Variants in CDHR5 observed in about 807,000 individuals in gnomAD.
CDHR5 encodes the protein cadherin related family member 5, also known as cadherin-related family member 5.
In CDHR5, 82 loss-of-function variants were observed where a neutral mutation model predicts 69.5. That is an observed-to-expected ratio of 1.18 (90% confidence interval 0.99 to 1.42). CDHR5 has a LOEUF of 1.42. CDHR5 is among the 40% of genes most tolerant of loss of function. CDHR5 has a pLI of 0.00. For missense variants in CDHR5, 1,293 were observed against 1,168.9 expected (o/e 1.11, Z -1.55); for synonymous variants, 601 against 510.2 (o/e 1.18, Z -2.40).
intron 14 of CDHR5, 71 bp downstream of exon 14, chr11:617,883 C>T (rs544753589): frequency 1.8e-5 from 28 of 1,545,668 alleles, no homozygotes; most frequent in Non-Finnish European, 1.1e-5. Flanking sequence ...TCCCTCTGCC[C>T]TCCCCTCTCC....
At chr11:622,095 C>T (rs1211519025) in intron 3 of CDHR5, among the ~76,000 whole-genome samples, 191 bp from the exon 4 acceptor site, 7 of 151,266 alleles carry the variant, frequency 4.6e-5, no homozygotes, top group African/African-American at 1.2e-4. Context: ...AACGGCCACC[C>T]GTCCCCGCCG....
Position 617,649 on chromosome 11 carries a change from G to C in CDHR5, c.2240C>G (p.Pro747Arg), listed in dbSNP as rs1352512838. 13 of 1,539,016 alleles carry C rather than the reference G, an allele frequency of 8.4e-6. No individual in the cohort carries two copies. The highest frequency in any genetic ancestry group is 1.1e-5 in the Non-Finnish European group (13 of 1,146,266). Residue 747 changes from proline (P) to arginine (R), a missense_variant, in exon 15 of 15, where the codon CCC (proline) becomes CGC (arginine). Coordinates refer to ENST00000397542, the MANE Select transcript of CDHR5 (RefSeq NM_021924.5). ...KPAEAPMPAE[P>R]APPGPASPGG... ...TGGGGAGGCAGGGCCGGGGGGTGCG[G>C]GCTCTGCGGGCATCGGTGCCTCCGC...
Position 624,376 on chromosome 11 carries a change from G to T in CDHR5, c.262-113C>A, listed in dbSNP as rs1339173774. On this transcript the variant is annotated intron_variant, in intron 2 of 14. Coordinates refer to ENST00000397542, the MANE Select transcript of CDHR5 (RefSeq NM_021924.5). The surrounding 1 kb of genome is among the most constrained non-coding windows in gnomAD (Gnocchi z 5.3). ...CCATCATCAGTGGTCAGTGCTGAGGGTGTGGGCCCAGGCAGCTTCATCCCG... is the reference window on the plus strand; with the variant it reads ...CCATCATCAGTGGTCAGTGCTGAGGTTGTGGGCCCAGGCAGCTTCATCCCG... 2 of 749,316 alleles carry T rather than the reference G, an allele frequency of 2.7e-6. No homozygotes were observed. The allele number at this position is 749,316 out of a possible 1,614,324, so 46.4% of individuals were successfully genotyped here.
chr11:620,261 G>A (rs1364389688), intron 8 of CDHR5, 35 bp downstream of exon 8: 1 of 1,588,732 alleles, frequency 6.3e-7, no homozygotes, highest in East Asian at 2.2e-5. Flanking sequence ...GACAGAGGGG[G>A]TACAGGGCAT....
chr11:621,889 C>T lies in CDHR5; in HGVS notation c.328G>A (p.Val110Met). 5 of 1,613,300 alleles carry T rather than the reference C, an allele frequency of 3.1e-6. No homozygotes were observed. Among genetic ancestry groups the T allele is most frequent in the South Asian group, 1.1e-5 (1 of 91,068 alleles). ...TTGACGTCCAGCACTGACACGAACA[C>T]CCTTAGCTGGGTCACCTGCAGGATG... ...SGGTLVTQLR[V>M]FVSVLDVNDN... is the part of the protein sequence containing the mutation. The change falls in exon 4 of 15, where the codon GTG becomes ATG. Residue 110 changes from valine to methionine, a missense_variant. Physicochemically the swap from Val to Met is conservative, Grantham distance 21. Transcript: ENST00000397542. This position sits in a 1 kb window ranked among gnomAD's most constrained non-coding sequence, Gnocchi z 4.4.
Position 624,656 on chromosome 11 carries a change from G to T in CDHR5, c.162C>A (p.Val54=), listed in dbSNP as rs775607864. The change falls in exon 2 of 15, where the codon GTC becomes GTA. Residue 54 remains valine (V), a synonymous_variant. Coordinates refer to ENST00000397542, the MANE Select transcript of CDHR5 (RefSeq NM_021924.5). The surrounding 1 kb of genome is among the most constrained non-coding windows in gnomAD (Gnocchi z 5.3). ...CGAGGGTCACCTCCTGGCCCTCCGG[G>T]ACGTGGATGTCCACCAGCGGCTCGG... The part of the protein sequence containing the change: ...NVTEPLVDIH[V]PEGQEVTLGA... The T allele has an allele frequency of 2.5e-6, 4 of 1,613,654 alleles. No homozygotes were observed. Among genetic ancestry groups the T allele is most frequent in the African/African-American group, 2.7e-5 (2 of 75,052 alleles).
At chr11:618,230 C>CA (rs1857100662) in intron 13 of CDHR5, 119 bp from the exon 14 acceptor site, 3 of 842,232 alleles carry the variant, frequency 3.6e-6, no homozygotes, top group African/African-American at 3.4e-5. Context: ...GGCTGTCTCC[C>CA]AAATCTCAGG....
chr11:624,221 C>T lies in CDHR5; in HGVS notation c.304G>A (p.Gly102Ser). ...GCGGGGCGGGGACTCACCAATGTGC[C>T]TCCGCTCTGACACAGCAGCTGAGCC... ...LEAQLLCQSGGTLVTQLRVFV... is the reference protein window; with the variant it reads ...LEAQLLCQSGSTLVTQLRVFV... The change falls in exon 3 of 15, where the codon GGC becomes AGC. Residue 102 changes from glycine (G) to serine (S), a missense_variant. Physicochemically the swap from Gly to Ser is moderately conservative, Grantham distance 56. Transcript: ENST00000397542. This position sits in a 1 kb window ranked among gnomAD's most constrained non-coding sequence, Gnocchi z 5.3. 1 of 767,076 alleles carries T rather than the reference C, an allele frequency of 1.3e-6. No individual in the cohort carries two copies. Among genetic ancestry groups the T allele is most frequent in the Non-Finnish European group, 2.4e-6 (1 of 412,226 alleles). 47.5% of individuals were successfully genotyped at this position (767,076 alleles called of 1,614,324 possible). A position where few individuals can be genotyped will look rare whatever the true frequency, so the allele number is the denominator to read the frequency against.
In CDHR5 at chr11:624,452, A is replaced by T. The variant is rs933999904; in HGVS notation, c.261+105T>A. The T allele has an allele frequency of 1.7e-6, 2 of 1,183,434 alleles. No homozygotes were observed. The highest frequency in any genetic ancestry group is 3.0e-5 in the African/African-American group (2 of 66,444). 73.3% of individuals were successfully genotyped at this position (1,183,434 alleles called of 1,614,324 possible). On this transcript the variant is annotated intron_variant, in intron 2 of 14. Coordinates refer to ENST00000397542, the MANE Select transcript of CDHR5 (RefSeq NM_021924.5). The surrounding 1 kb of genome is among the most constrained non-coding windows in gnomAD (Gnocchi z 5.3). ...CACCACCAAGCATGGGTGTCAGTGGATGCCCGCAGGCATAGAACTCCTAGG... is the reference window on the plus strand; with the variant it reads ...CACCACCAAGCATGGGTGTCAGTGGTTGCCCGCAGGCATAGAACTCCTAGG...
chr11:622,877 C>T (rs1326326657), intron 3 of CDHR5, among the ~76,000 whole-genome samples: 3 of 152,210 alleles, frequency 2.0e-5, no homozygotes, highest in Non-Finnish European at 4.4e-5. Flanking sequence ...TCCCCGTGGT[C>T]TCTGAAGGGT....
Position 618,190 on chromosome 11 carries a change from C to T in CDHR5, c.1961-79G>A. The T allele has an allele frequency of 2.5e-6, 3 of 1,203,772 alleles. No homozygotes were observed. The Middle Eastern group carries it at 5.9e-4, about 238-fold the overall frequency. The allele number at this position is 1,203,772 out of a possible 1,614,324, so 74.6% of individuals were successfully genotyped here. ...ATTTCCCATGCCAACCTGTGCCAGG[C>T]TTGGGACACTTGGGTTCCACCCAGG... On this transcript the variant is annotated intron_variant, in intron 13 of 14. Coordinates refer to ENST00000397542, the MANE Select transcript of CDHR5 (RefSeq NM_021924.5).
At chr11:617,928 G>T in intron 14 of CDHR5, 26 bp downstream of exon 14, 2 of 1,604,234 alleles carry the variant, frequency 1.2e-6, no homozygotes, top group Non-Finnish European at 8.5e-7. Context: ...CTGGTCGCCT[G>T]CCCTGTTCTC....
Position 621,785 on chromosome 11 carries a change from C to T in CDHR5, c.405+27G>A, listed in dbSNP as rs367555780. 1 of 1,601,016 alleles carries T rather than the reference C, an allele frequency of 6.2e-7. No homozygotes were observed. Among genetic ancestry groups the T allele is most frequent in the Non-Finnish European group, 8.6e-7 (1 of 1,169,244 alleles). On this transcript the variant is annotated intron_variant, in intron 4 of 14. Coordinates refer to ENST00000397542, the MANE Select transcript of CDHR5 (RefSeq NM_021924.5). This position sits in a 1 kb window ranked among gnomAD's most constrained non-coding sequence, Gnocchi z 4.4. ...CCCTGGGCTCCCACACCCCCGTGCC[C>T]AGTCCCCGCGGCTTCGCTGGCCTCA...
At position 617,441 on chromosome 11, in the gene CDHR5, G is replaced by A. The variant is rs570930849; in HGVS notation, c.2448C>T (p.Ala816=). 5.6e-6 allele frequency: 9 copies of A among 1,612,358 alleles called. No individual in the cohort carries two copies. In the South Asian group the frequency reaches 8.8e-5, roughly 16 times the overall value. ...LNAPTLDVDG[A]SDSGSGDEGE... Reference sequence around the variant, plus strand: ...CCTCATCGCCGCTGCCGGAGTCACTGGCGCCATCCACGTCCAGGGTGGGCG... The same window carrying A: ...CCTCATCGCCGCTGCCGGAGTCACTAGCGCCATCCACGTCCAGGGTGGGCG... The change falls in exon 15 of 15, where the codon GCC becomes GCT. Residue 816 remains alanine, a synonymous_variant. Coordinates refer to ENST00000397542, the MANE Select transcript of CDHR5 (RefSeq NM_021924.5).
At chr11:623,240 C>T (rs1290502701) in intron 3 of CDHR5, among the ~76,000 whole-genome samples, 3 of 152,066 alleles carry the variant, frequency 2.0e-5, no homozygotes, top group Admixed American at 6.6e-5. Flanking sequence ...ACCCGGGAGG[C>T]GGAAGTTGCA....
Position 617,031 on chromosome 11 carries a change from G to A in CDHR5, c.*320C>T, listed in dbSNP as rs1032334258. On this transcript the variant is annotated 3_prime_UTR_variant, in exon 15 of 15. Coordinates refer to ENST00000397542, the MANE Select transcript of CDHR5 (RefSeq NM_021924.5). ...GGGAGGGGAGCCCCCCTCGGGCTGT[G>A]GTTAGAGCGGGAGAGGAACTTCCCA... is the stretch of plus-strand genomic sequence containing the variant. 2.5e-6 allele frequency: 1 copy of A among 392,492 alleles called. No homozygotes were observed. Among genetic ancestry groups the A allele is most frequent in the Admixed American group, 4.4e-5 (1 of 22,548 alleles). 24.3% of individuals were successfully genotyped at this position (392,492 alleles called of 1,614,324 possible).
chr11:619,970 TGGC>T (rs1410532181), intron 9 of CDHR5, 89 bp from the exon 10 acceptor site: 1 of 1,410,296 alleles, frequency 7.1e-7, no homozygotes, highest in Non-Finnish European at 9.5e-7. Context: ...GGTGCAGACT[TGGC>T]GGGGGCCCTG....
chr11:621,766 G>A lies in CDHR5; in HGVS notation c.405+46C>T, dbSNP rs1228557289. The A allele has an allele frequency of 6.3e-7, 1 of 1,578,272 alleles. No homozygotes were observed. Among genetic ancestry groups the A allele is most frequent in the South Asian group, 1.1e-5 (1 of 89,852 alleles). On this transcript the variant is annotated intron_variant, in intron 4 of 14. Coordinates refer to ENST00000397542, the MANE Select transcript of CDHR5 (RefSeq NM_021924.5). This position sits in a 1 kb window ranked among gnomAD's most constrained non-coding sequence, Gnocchi z 4.4. ...CACTCACCTCCTGCCCTCACCCTGG[G>A]CTCCCACACCCCCGTGCCCAGTCCC...
In CDHR5 at chr11:623,763, C is replaced by T. The variant is rs146694608; in HGVS notation, c.312+450G>A. Among the ~76,000 whole-genome samples, 628 of 152,136 alleles carry T rather than the reference C, an allele frequency of 4.1e-3. 5 individuals carry two copies. The highest frequency in any genetic ancestry group is 0.017 in the Middle Eastern group (5 of 294). On this transcript the variant is annotated intron_variant, in intron 3 of 14. Transcript: ENST00000397542. ...AAAGGGCAACAGGGAAGCCGGTGGG[C>T]CAGCTGGAAGTTTCCCAAAATGAGT...
Sources: gnomAD v4.1 joint callset for allele counts (sites outside exome capture counted in the v4.1 genomes callset) on GRCh38, gnomAD v4.1.1 for gene constraint, Gnocchi (gnomAD v3.1) non-coding constraint, MANE v1.5 for transcripts, NCBI Gene and HGNC (gene_info 2026-07-23, HGNC 2026-07-21) for gene names.